The following DGKG variants were observed in gnomAD, a reference collection of about 807,000 sequenced individuals.
DGKG encodes the protein DAG kinase gamma.
In DGKG, 78 loss-of-function variants were observed where a neutral mutation model predicts 105.3. That is an observed-to-expected ratio of 0.74 (90% CI 0.62 to 0.89). DGKG has a LOEUF of 0.89. Ranked by LOEUF, DGKG falls within the 40% of genes least tolerant of loss-of-function variation. DGKG has a pLI of 0.00. For missense variants in DGKG, 958 were observed against 1,020.1 expected (o/e 0.94, Z 0.83); for synonymous variants, 346 against 367.1 (o/e 0.94, Z 0.66).
chr3:186,313,814 T>A (rs1272417398), intron 2 of DGKG, among the ~76,000 whole-genome samples: 1 of 152,134 alleles, frequency 6.6e-6, no homozygotes, highest in East Asian at 1.9e-4. Context: ...CTGAAACACA[T>A]GTAGGTGAGA....
intron 22 of DGKG, among the ~76,000 whole-genome samples, chr3:186,185,689 C>T (rs897045180): frequency 2.0e-5 from 3 of 152,144 alleles, no homozygotes; most frequent in Admixed American, 2.0e-4. Context: ...ACCTTCAATG[C>T]TTCCCCTACC....
At chr3:186,211,499 T>A in intron 21 of DGKG, among the ~76,000 whole-genome samples, 1 of 152,020 alleles carries the variant, frequency 6.6e-6, no homozygotes. Flanking sequence ...AGACTTTATC[T>A]CTCAGAAAAG....
At chr3:186,267,813 T>G in intron 12 of DGKG, 36 bp from the exon 13 acceptor site, 3 of 1,591,536 alleles carry the variant, frequency 1.9e-6, no homozygotes, top group Non-Finnish European at 2.6e-6. Context: ...TGAGTGAAAG[T>G]GAGCAAAGAA....
At chr3:186,271,083 G>A (rs1722295407) in intron 11 of DGKG, among the ~76,000 whole-genome samples, 1 of 152,170 alleles carries the variant, frequency 6.6e-6, no homozygotes, top group Admixed American at 6.5e-5. Flanking sequence ...TCTCTACCAG[G>A]AGTCCTTCTG....
intron 14 of DGKG, among the ~76,000 whole-genome samples, chr3:186,264,510 C>T (rs567390568): frequency 3.9e-5 from 6 of 152,312 alleles, no homozygotes; most frequent in South Asian, 2.1e-4. Flanking sequence ...GCGATTTGCC[C>T]GCCTCAGCAT....
At chr3:186,273,740 G>T (rs1202760911) in intron 10 of DGKG, among the ~76,000 whole-genome samples, 2 of 152,100 alleles carry the variant, frequency 1.3e-5, no homozygotes, top group Admixed American at 6.5e-5. Context: ...CTGCCAAGGC[G>T]ACTTCTGTGG....
chr3:186,193,796 G>A (rs544260152), intron 21 of DGKG, among the ~76,000 whole-genome samples: 9 of 152,202 alleles, frequency 5.9e-5, no homozygotes, highest in East Asian at 1.9e-4. Flanking sequence ...CCCCTGCTCC[G>A]GCCCGCGCGG....
intron 1 of DGKG, among the ~76,000 whole-genome samples, chr3:186,330,521 G>T (rs1725552339): frequency 6.6e-6 from 1 of 152,148 alleles, no homozygotes; most frequent in African/African-American, 2.4e-5. Flanking sequence ...CCTTGAGAAG[G>T]CCCACTTCTG....
In DGKG at chr3:186,297,064, T is replaced by TCACA. The variant is rs1177958964; in HGVS notation, c.373+356_373+357insTGTG. 1.0e-3 allele frequency among the ~76,000 whole-genome samples: 81 copies of TCACA among 78,558 alleles called. 2 individuals carry two copies. The highest frequency in any genetic ancestry group is 3.8e-3 in the African/African-American group (75 of 19,562). 51.5% of individuals were successfully genotyped at this position (78,558 alleles called of 152,430 possible). Reference sequence around the variant, plus strand: ...ACCTCTCTCTGTCTGTCTGTCTGTCTCTCTCACACACACACACACACACAC... The same window carrying TCACA: ...ACCTCTCTCTGTCTGTCTGTCTGTCTCACACTCTCACACACACACACACACACAC... On this transcript the variant is annotated intron_variant, in intron 5 of 24. Transcript: ENST00000265022.
At chr3:186,285,958 C>T (rs964615942) in intron 6 of DGKG, among the ~76,000 whole-genome samples, 5 of 152,180 alleles carry the variant, frequency 3.3e-5, no homozygotes, top group Admixed American at 2.0e-4. Flanking sequence ...GGATTACAGG[C>T]GTGAGCCTCT....
intron 14 of DGKG, among the ~76,000 whole-genome samples, chr3:186,263,083 C>T (rs1052431365): frequency 6.6e-6 from 1 of 151,142 alleles, no homozygotes; most frequent in East Asian, 2.0e-4. Flanking sequence ...GCTGAGATCT[C>T]GCCACCGCAC....
intron 19 of DGKG, among the ~76,000 whole-genome samples, chr3:186,244,782 T>C (rs904099407): frequency 2.6e-5 from 4 of 152,116 alleles, no homozygotes; most frequent in Non-Finnish European, 4.4e-5. Context: ...ACGGGTGAGA[T>C]GTGCGGACCC....
chr3:186,264,391 G>A (rs1721941564), intron 14 of DGKG, among the ~76,000 whole-genome samples: 1 of 152,088 alleles, frequency 6.6e-6, no homozygotes, highest in Non-Finnish European at 1.5e-5. Flanking sequence ...AGCCTCCCGA[G>A]TAGCTGGGAT....
chr3:186,229,929 AAG>A (rs1245882645), intron 20 of DGKG, among the ~76,000 whole-genome samples: 2 of 152,152 alleles, frequency 1.3e-5, no homozygotes, highest in Non-Finnish European at 2.9e-5. Flanking sequence ...ATAGAAGACA[AAG>A]AGGGTGCAGC....
chr3:186,289,785 G>T (rs1469947813), intron 5 of DGKG, among the ~76,000 whole-genome samples: 2 of 152,194 alleles, frequency 1.3e-5, no homozygotes, highest in Non-Finnish European at 2.9e-5. Flanking sequence ...AAGTAACAAA[G>T]TACTGAAGGT....
chr3:186,181,391 A>T lies in DGKG; in HGVS notation c.2095+6811T>A, dbSNP rs143196576. Among the ~76,000 whole-genome samples the T allele has an allele frequency of 5.9e-5, 9 of 152,306 alleles. No homozygotes were observed. In the East Asian group the frequency reaches 1.5e-3, roughly 26 times the overall value. On this transcript the variant is annotated intron_variant, in intron 22 of 24. Coordinates refer to ENST00000265022, the MANE Select transcript of DGKG (RefSeq NM_001346.3). ...TCTTTGTTTACCAAGAATTGCAAAA[A>T]GTATTATCTAGTGAGATCCTGGGGA...
At chr3:186,233,694 A>G (rs1266025412) in intron 20 of DGKG, among the ~76,000 whole-genome samples, 2 of 152,178 alleles carry the variant, frequency 1.3e-5, no homozygotes, top group African/African-American at 2.4e-5. Context: ...CGTGTCAGCC[A>G]GGATAGTCTC....
chr3:186,285,702 A>G (rs1307447894), intron 6 of DGKG, among the ~76,000 whole-genome samples: 1 of 139,636 alleles, frequency 7.2e-6, no homozygotes, highest in Non-Finnish European at 1.5e-5. Context: ...TTTTTGAGAC[A>G]GAGTTTCACT....
chr3:186,288,610 T>G, intron 6 of DGKG, 100 bp downstream of exon 6: 23 of 1,297,086 alleles, frequency 1.8e-5, no homozygotes, highest in Non-Finnish European at 2.1e-5. Flanking sequence ...CGCATATCCG[T>G]GATATCAACT....
Sources: allele counts gnomAD v4.1 joint callset (sites outside exome capture counted in the v4.1 genomes callset), GRCh38; gene constraint gnomAD v4.1.1; transcripts MANE v1.5; gene names NCBI Gene and HGNC (gene_info 2026-07-23, HGNC 2026-07-21).